HS6ST3: variants seen among roughly 807,000 people sequenced by gnomAD.
HS6ST3 encodes heparan sulfate 6-O-sulfotransferase 3, also known as heparan-sulfate 6-O-sulfotransferase 3.
In HS6ST3, 12 loss-of-function variants were observed where a neutral mutation model predicts 36.7. That is an observed-to-expected ratio of 0.33 (90% CI 0.21 to 0.53). HS6ST3 has a LOEUF of 0.53. Among genes scored for constraint, HS6ST3 ranks in the 20% least tolerant of loss-of-function variants. HS6ST3 has a pLI of 0.95. For missense variants in HS6ST3, 584 were observed against 640.9 expected, an observed-to-expected ratio of 0.91 and a Z score of 0.96; for synonymous variants, 240 against 257.5, an observed-to-expected ratio of 0.93 and a Z score of 0.65.
intron 1 of HS6ST3, among the ~76,000 whole-genome samples, chr13:96,719,111 A>G (rs968376623): frequency 2.6e-5 from 4 of 152,066 alleles, no homozygotes; most frequent in Non-Finnish European, 5.9e-5. Flanking sequence ...CATCTCGACT[A>G]AAAATACAAA....
intron 1 of HS6ST3, among the ~76,000 whole-genome samples, chr13:96,821,960 G>T (rs935828537): frequency 1.3e-5 from 2 of 152,184 alleles, no homozygotes; most frequent in African/African-American, 4.8e-5. Context: ...TAAATATTCT[G>T]ATTTACTTCT....
intron 1 of HS6ST3, among the ~76,000 whole-genome samples, chr13:96,675,853 C>T (rs926670655): frequency 1.3e-5 from 2 of 152,136 alleles, no homozygotes; most frequent in East Asian, 1.9e-4. Flanking sequence ...CTGCATCCCC[C>T]TTTTGATTAA....
At chr13:96,359,259 T>C (rs1465315548) in intron 1 of HS6ST3, among the ~76,000 whole-genome samples, 1 of 152,192 alleles carries the variant, frequency 6.6e-6, no homozygotes, top group Non-Finnish European at 1.5e-5. Flanking sequence ...GCCTCAGCTA[T>C]GATCACTTTT....
At chr13:96,538,375 T>G (rs570041683) in intron 1 of HS6ST3, among the ~76,000 whole-genome samples, 3 of 152,350 alleles carry the variant, frequency 2.0e-5, no homozygotes, top group East Asian at 1.9e-4. Context: ...ACTAACAATT[T>G]GAAAGAGGAA....
chr13:96,161,099 A>C (rs753186813), intron 1 of HS6ST3, among the ~76,000 whole-genome samples: 5 of 152,218 alleles, frequency 3.3e-5, no homozygotes, highest in Non-Finnish European at 5.9e-5. Flanking sequence ...CTTTAAAAAA[A>C]GTTATCCAGT....
chr13:96,254,016 GGTAA>G (rs2054619670), intron 1 of HS6ST3, among the ~76,000 whole-genome samples: 2 of 152,158 alleles, frequency 1.3e-5, no homozygotes, highest in South Asian at 2.1e-4. Context: ...AAGTGAAAAG[GGTAA>G]GTATTATCCT....
chr13:96,240,827 A>G (rs1278028769), intron 1 of HS6ST3, among the ~76,000 whole-genome samples: 1 of 152,258 alleles, frequency 6.6e-6, no homozygotes, highest in African/African-American at 2.4e-5. Flanking sequence ...CAGTGTGGTT[A>G]TGCATTCCAG....
chr13:96,221,248 A>C (rs967244246), intron 1 of HS6ST3, among the ~76,000 whole-genome samples: 6 of 152,182 alleles, frequency 3.9e-5, no homozygotes, highest in African/African-American at 1.4e-4. Flanking sequence ...GGAAATACCT[A>C]TTTGTGTGGG....
chr13:96,125,217 G>A lies in HS6ST3; in HGVS notation c.707+33648G>A, dbSNP rs552744639. Among the ~76,000 whole-genome samples, 6 of 152,240 alleles carry A rather than the reference G, an allele frequency of 3.9e-5. No homozygotes were observed. In the South Asian group the frequency reaches 1.2e-3, roughly 32 times the overall value. ...AGTGAGATATAAATAGTGAAGCAGG[G>A]GGGTGGTTTTAATAGAATATCCTGG... On this transcript the variant is annotated intron_variant, in intron 1 of 1. Transcript: ENST00000376705.
intron 1 of HS6ST3, among the ~76,000 whole-genome samples, chr13:96,408,195 C>T (rs538642185): frequency 1.3e-5 from 2 of 152,240 alleles, no homozygotes; most frequent in South Asian, 4.1e-4. Flanking sequence ...CCCTCGACCT[C>T]CCAAAGTGCT....
chr13:96,631,040 A>G (rs1439639586), intron 1 of HS6ST3, among the ~76,000 whole-genome samples: 2 of 152,232 alleles, frequency 1.3e-5, no homozygotes, highest in African/African-American at 4.8e-5. Flanking sequence ...AGACAGAAAC[A>G]TGCTCAACGT....
intron 1 of HS6ST3, among the ~76,000 whole-genome samples, chr13:96,331,906 T>C (rs2055071768): frequency 6.6e-6 from 1 of 152,206 alleles, no homozygotes. Flanking sequence ...TAAGCCGGTC[T>C]GAAAAGCCAA....
intron 1 of HS6ST3, among the ~76,000 whole-genome samples, chr13:96,311,565 A>G (rs772204343): frequency 1.3e-4 from 20 of 152,186 alleles, no homozygotes; most frequent in Admixed American, 9.2e-4. Context: ...GCAGGTTAAA[A>G]TGAATGCCCA....
intron 1 of HS6ST3, among the ~76,000 whole-genome samples, chr13:96,545,808 C>T (rs537367444): frequency 3.3e-5 from 5 of 152,016 alleles, no homozygotes; most frequent in Non-Finnish European, 7.4e-5. Context: ...CGAGAGCCAG[C>T]GGATACCATC....
chr13:96,157,878 A>G (rs993561275), intron 1 of HS6ST3, among the ~76,000 whole-genome samples: 1 of 152,208 alleles, frequency 6.6e-6, no homozygotes, highest in Non-Finnish European at 1.5e-5. Flanking sequence ...TTGGAGACGC[A>G]CTGTGAGCTA....
At chr13:96,283,121 A>G (rs996332019) in intron 1 of HS6ST3, among the ~76,000 whole-genome samples, 2 of 152,276 alleles carry the variant, frequency 1.3e-5, no homozygotes, top group Middle Eastern at 3.4e-3. Context: ...TACGTTGATG[A>G]TGGTGATGCA....
At chr13:96,151,167 G>A (rs575137283) in intron 1 of HS6ST3, among the ~76,000 whole-genome samples, 1 of 152,180 alleles carries the variant, frequency 6.6e-6, no homozygotes, top group Non-Finnish European at 1.5e-5. Context: ...ACTTTGGGAA[G>A]CCAAGGTGGG....
intron 1 of HS6ST3, among the ~76,000 whole-genome samples, chr13:96,665,127 A>C (rs2056659250): frequency 6.6e-6 from 1 of 152,178 alleles, no homozygotes; most frequent in Admixed American, 6.5e-5. Context: ...AGCTGTGATC[A>C]TGCCACTCAC....
chr13:96,615,321 AT>A (rs1400061422), intron 1 of HS6ST3, among the ~76,000 whole-genome samples: 1 of 152,192 alleles, frequency 6.6e-6, no homozygotes, highest in East Asian at 1.9e-4. Context: ...CATATCCCTG[AT>A]TCTCTTTTTA....
Sources: allele counts gnomAD v4.1 joint callset (sites outside exome capture counted in the v4.1 genomes callset), GRCh38; gene constraint gnomAD v4.1.1; transcripts MANE v1.5; gene names NCBI Gene and HGNC (gene_info 2026-07-23, HGNC 2026-07-21).